Variants in GABRG3 observed in about 807,000 individuals in gnomAD.
GABRG3 encodes gamma-aminobutyric acid type A receptor subunit gamma3.
A neutral mutation model predicts 48.8 loss-of-function variants in GABRG3; 25 were observed. The observed-to-expected ratio is 0.51, with a 90% CI of 0.37 to 0.72. The LOEUF is 0.72. GABRG3 is among the 30% of genes least tolerant of loss of function. The pLI, the probability that GABRG3 is intolerant of heterozygous loss-of-function variation, is 0.00. For missense variants in GABRG3, 394 were observed against 577.9 expected, an observed-to-expected ratio of 0.68 and a Z score of 3.26; for synonymous variants, 227 against 217.6, an observed-to-expected ratio of 1.04 and a Z score of -0.38.
At chr15:27,101,042 A>C (rs1897347096) in intron 3 of GABRG3, among the ~76,000 whole-genome samples, 2 of 152,228 alleles carry the variant, frequency 1.3e-5, no homozygotes, top group African/African-American at 4.8e-5. Flanking sequence ...TTTACAGATA[A>C]GCTGATTGTC....
intron 2 of GABRG3, among the ~76,000 whole-genome samples, chr15:27,002,195 A>T (rs1164412587): frequency 6.6e-6 from 1 of 152,186 alleles, no homozygotes; most frequent in Non-Finnish European, 1.5e-5. Flanking sequence ...TATAACTGTA[A>T]TACAATTTGC....
chr15:27,123,774 C>G (rs539738097), intron 3 of GABRG3, among the ~76,000 whole-genome samples: 1 of 152,068 alleles, frequency 6.6e-6, no homozygotes, highest in East Asian at 1.9e-4. Flanking sequence ...AATACACACA[C>G]GAGGATGATA....
intron 5 of GABRG3, chr15:27,363,528 G>T (rs1895091093): frequency 6.6e-6 from 1 of 152,148 alleles, no homozygotes; most frequent in Non-Finnish European, 1.5e-5. Flanking sequence ...CATATGGAGA[G>T]GACTGCTGGA....
chr15:27,113,689 G>A (rs1897593383), intron 3 of GABRG3, among the ~76,000 whole-genome samples: 1 of 152,154 alleles, frequency 6.6e-6, no homozygotes, highest in Admixed American at 6.5e-5. Context: ...GGCCTCTTCA[G>A]GTATTCACTT....
intron 3 of GABRG3, among the ~76,000 whole-genome samples, chr15:27,057,778 C>T (rs1003386299): frequency 2.0e-5 from 3 of 152,154 alleles, no homozygotes; most frequent in Non-Finnish European, 2.9e-5. Flanking sequence ...TCAGGACATT[C>T]GCCATTTAAT....
At chr15:27,184,005 CAGG>C (rs1316493528) in intron 3 of GABRG3, among the ~76,000 whole-genome samples, 1 of 152,136 alleles carries the variant, frequency 6.6e-6, no homozygotes, top group Non-Finnish European at 1.5e-5. Flanking sequence ...GAAAAACAAA[CAGG>C]AGTTTATTAA....
At chr15:27,274,769 GC>G in intron 3 of GABRG3, among the ~76,000 whole-genome samples, 1 of 152,254 alleles carries the variant, frequency 6.6e-6, no homozygotes, top group Non-Finnish European at 1.5e-5. Flanking sequence ...CATGCATAGT[GC>G]TTTGCTTACT....
chr15:27,136,781 A>G (rs1021585215), intron 3 of GABRG3, among the ~76,000 whole-genome samples: 2 of 152,168 alleles, frequency 1.3e-5, no homozygotes, highest in African/African-American at 4.8e-5. Flanking sequence ...TCAAGGGGTA[A>G]GTCACAACAT....
At chr15:27,115,408 A>T (rs1480536111) in intron 3 of GABRG3, among the ~76,000 whole-genome samples, 1 of 152,202 alleles carries the variant, frequency 6.6e-6, no homozygotes, top group Non-Finnish European at 1.5e-5. Flanking sequence ...TGAGGGCGGA[A>T]TGTGGTCAGG....
In GABRG3 at chr15:27,283,658, G is replaced by A. The variant is rs1242851035; in HGVS notation, c.271-43151G>A. 2.0e-5 allele frequency among the ~76,000 whole-genome samples: 3 copies of A among 152,248 alleles called. No homozygotes were observed. The East Asian group carries it at 5.8e-4, about 30-fold the overall frequency. The stretch of plus-strand genomic sequence containing the variant: ...CTATTTTTTCCCATTCCTTTGGTGG[G>A]AGATCAGTCTTCGCTCAGGGACTGT... On this transcript the variant is annotated intron_variant, in intron 3 of 9. Coordinates refer to ENST00000615808, the MANE Select transcript of GABRG3 (RefSeq NM_033223.5).
intron 5 of GABRG3, among the ~76,000 whole-genome samples, chr15:27,432,344 T>A (rs909993645): frequency 4.6e-5 from 7 of 152,242 alleles, no homozygotes; most frequent in African/African-American, 1.7e-4. Context: ...ATTATTACTT[T>A]ATGTAGTTGC....
chr15:27,322,573 G>T (rs896371171), intron 3 of GABRG3, among the ~76,000 whole-genome samples: 5 of 152,186 alleles, frequency 3.3e-5, no homozygotes, highest in Admixed American at 6.5e-5. Flanking sequence ...CTAACTCTAG[G>T]CAGGGATATG....
chr15:27,537,614 T>C lies in GABRG3; in HGVS notation c.*4733T>C, dbSNP rs1288510910. The C allele has an allele frequency of 1.3e-5, 2 of 150,850 alleles. No individual in the cohort carries two copies. Among genetic ancestry groups the C allele is most frequent in the African/African-American group, 5.0e-5 (2 of 40,166 alleles). 9.3% of individuals were successfully genotyped at this position (150,850 alleles called of 1,614,324 possible). On this transcript the variant is annotated 3_prime_UTR_variant, in exon 10 of 10. Coordinates refer to ENST00000615808, the MANE Select transcript of GABRG3 (RefSeq NM_033223.5). Reference sequence around the variant, plus strand: ...TGTTTTGAGATGATTTGGTAAGAACTCAGCCATTCAGTATTTCTGGAAGAA... The same window carrying C: ...TGTTTTGAGATGATTTGGTAAGAACCCAGCCATTCAGTATTTCTGGAAGAA...
intron 3 of GABRG3, among the ~76,000 whole-genome samples, chr15:27,071,309 TCTC>T (rs1264027831): frequency 6.6e-6 from 1 of 152,094 alleles, no homozygotes; most frequent in Non-Finnish European, 1.5e-5. Flanking sequence ...CCTACCCCCT[TCTC>T]CTCTCTTCCC....
chr15:27,428,798 A>G (rs955797812), intron 5 of GABRG3, among the ~76,000 whole-genome samples: 2 of 152,218 alleles, frequency 1.3e-5, no homozygotes, highest in African/African-American at 4.8e-5. Flanking sequence ...TGAGTGAAAA[A>G]GCACACAAAC....
At chr15:27,479,997 A>C (rs1308922192) in intron 5 of GABRG3, among the ~76,000 whole-genome samples, 1 of 152,242 alleles carries the variant, frequency 6.6e-6, no homozygotes, top group Admixed American at 6.5e-5. Context: ...CCCTGGTGAC[A>C]GTGCCCGCAG....
At chr15:27,069,299 C>T (rs1805488775) in intron 3 of GABRG3, among the ~76,000 whole-genome samples, 1 of 152,182 alleles carries the variant, frequency 6.6e-6, no homozygotes, top group Non-Finnish European at 1.5e-5. Context: ...ACATTCATGG[C>T]ATAGTGGAGG....
intron 4 of GABRG3, among the ~76,000 whole-genome samples, chr15:27,328,418 G>A (rs1014324962): frequency 9.9e-5 from 15 of 152,218 alleles, no homozygotes; most frequent in African/African-American, 3.1e-4. Context: ...CCCCCGATGC[G>A]TGCATTAATT....
At chr15:27,164,007 C>T (rs1286118666) in intron 3 of GABRG3, among the ~76,000 whole-genome samples, 7 of 152,100 alleles carry the variant, frequency 4.6e-5, no homozygotes, top group African/African-American at 1.7e-4. Context: ...TCAGAGGGAC[C>T]CATGTCCATG....
Sources: gnomAD v4.1 joint callset for allele counts (sites outside exome capture counted in the v4.1 genomes callset) on GRCh38, gnomAD v4.1.1 for gene constraint, MANE v1.5 for transcripts, NCBI Gene and HGNC (gene_info 2026-07-23, HGNC 2026-07-21) for gene names.